SHLD2: variants seen among roughly 807,000 people sequenced by gnomAD.
The protein encoded by SHLD2 is RINN1-REV7-interacting novel NHEJ regulator 2.
In SHLD2, 30 loss-of-function variants were observed where a neutral mutation model predicts 73.2. That is an observed-to-expected ratio of 0.41 (90% CI 0.31 to 0.56). SHLD2 has a LOEUF of 0.56. Among genes scored for constraint, SHLD2 ranks in the 20% least tolerant of loss-of-function variants. The probability of loss-of-function intolerance (pLI) is 0.28; values close to 1 mark genes in which losing one functional copy is unlikely to be tolerated. For missense variants in SHLD2, 745 were observed against 1,055.9 expected (o/e 0.71, Z 4.08); for synonymous variants, 285 against 370.1 (o/e 0.77, Z 2.64).
intron 4 of SHLD2, among the ~76,000 whole-genome samples, chr10:87,159,739 A>G (rs1846674162): frequency 6.6e-6 from 1 of 152,160 alleles, no homozygotes; most frequent in Non-Finnish European, 1.5e-5. Context: ...GAAGAGGGAC[A>G]ATCTACTGCT....
intron 4 of SHLD2, among the ~76,000 whole-genome samples, chr10:87,170,105 G>A (rs1212620194): frequency 2.0e-5 from 3 of 152,164 alleles, no homozygotes; most frequent in African/African-American, 4.8e-5. Flanking sequence ...GGGAAAGCAG[G>A]ATCAAATCAG....
At chr10:87,138,373 GAA>G (rs1269699433) in intron 2 of SHLD2, among the ~76,000 whole-genome samples, 1 of 130,324 alleles carries the variant, frequency 7.7e-6, no homozygotes, top group Non-Finnish European at 1.7e-5. Flanking sequence ...AGAGCTGAAA[GAA>G]AAAAAAAAAA....
intron 2 of SHLD2, among the ~76,000 whole-genome samples, chr10:87,099,475 G>T (rs7067675): frequency 0.35 from 52,986 of 152,024 alleles, 9,721 homozygotes; most frequent in African/African-American, 0.44. Flanking sequence ...AGGTTTATGC[G>T]TGTAGCATGT....
At chr10:87,110,013 T>G (rs998726891) in intron 2 of SHLD2, among the ~76,000 whole-genome samples, 8 of 152,294 alleles carry the variant, frequency 5.3e-5, no homozygotes, top group Non-Finnish European at 1.0e-4. Context: ...CTTGGCTGGG[T>G]GCAGAGCCTC....
intron 2 of SHLD2, among the ~76,000 whole-genome samples, chr10:87,100,493 T>C (rs1393064942): frequency 6.6e-6 from 1 of 152,022 alleles, no homozygotes; most frequent in Non-Finnish European, 1.5e-5. Context: ...TTTTTTTTTT[T>C]TCGAAATGGA....
intron 9 of SHLD2, among the ~76,000 whole-genome samples, chr10:87,190,165 TCTC>T (rs1430907967): frequency 6.6e-6 from 1 of 152,188 alleles, no homozygotes; most frequent in Non-Finnish European, 1.5e-5. Context: ...TTCAAGCAAA[TCTC>T]CTGCCTCAGC....
At chr10:87,165,714 C>T (rs1847150235) in intron 4 of SHLD2, among the ~76,000 whole-genome samples, 1 of 151,898 alleles carries the variant, frequency 6.6e-6, no homozygotes, top group Admixed American at 6.6e-5. Flanking sequence ...TGAAATCCTA[C>T]ATAGAAAAAG....
At position 87,099,273 on chromosome 10, in the gene SHLD2, A is replaced by C. The variant is rs370368227; in HGVS notation, c.-6+2284A>C. On this transcript the variant is annotated intron_variant, in intron 2 of 9. Transcript: ENST00000298786. Reference sequence around the variant, plus strand: ...TCTCTCTTAAAAATATTTTAGAAGAAGATTGTTAGGATTTAGAAAAACATA... The same window carrying C: ...TCTCTCTTAAAAATATTTTAGAAGACGATTGTTAGGATTTAGAAAAACATA... 3.3e-5 allele frequency among the ~76,000 whole-genome samples: 5 copies of C among 152,316 alleles called. No individual in the cohort carries two copies. In the East Asian group the frequency reaches 9.6e-4, roughly 29 times the overall value.
chr10:87,155,110 T>C (rs567711371), intron 3 of SHLD2, among the ~76,000 whole-genome samples: 2 of 152,192 alleles, frequency 1.3e-5, no homozygotes, highest in African/African-American at 4.8e-5. Context: ...AATTTTTTTG[T>C]ATTTTTAGTA....
At chr10:87,179,480 T>C (rs1337313955) in intron 7 of SHLD2, among the ~76,000 whole-genome samples, 2 of 151,644 alleles carry the variant, frequency 1.3e-5, no homozygotes, top group Admixed American at 1.3e-4. Flanking sequence ...CGGCTCACTA[T>C]AAGCTCTGCC....
intron 2 of SHLD2, among the ~76,000 whole-genome samples, chr10:87,102,211 C>G (rs1238924777): frequency 6.6e-6 from 1 of 152,156 alleles, no homozygotes; most frequent in Admixed American, 6.5e-5. Flanking sequence ...TAACCTATTA[C>G]AAAGAACAGT....
At position 87,152,967 on chromosome 10, in the gene SHLD2, T is replaced by G. The variant is rs1846122071; in HGVS notation, c.1525+88T>G. 5.4e-6 allele frequency: 7 copies of G among 1,290,710 alleles called. No homozygotes were observed. In the East Asian group the frequency reaches 1.6e-4, roughly 30 times the overall value. 80.0% of individuals were successfully genotyped at this position (1,290,710 alleles called of 1,614,324 possible). Reference sequence around the variant, plus strand: ...TTTCTCCCACTTAGTCTTTGAAGACTCTTTAGTCATTTGCCTCTTCTGAGC... The same window carrying G: ...TTTCTCCCACTTAGTCTTTGAAGACGCTTTAGTCATTTGCCTCTTCTGAGC... On this transcript the variant is annotated intron_variant, in intron 3 of 9. Coordinates refer to ENST00000298786, the MANE Select transcript of SHLD2 (RefSeq NM_001330112.2).
intron 8 of SHLD2, among the ~76,000 whole-genome samples, chr10:87,181,832 C>T (rs1848329530): frequency 6.6e-6 from 1 of 151,478 alleles, no homozygotes; most frequent in Non-Finnish European, 1.5e-5. Context: ...TGCACTGGTG[C>T]GATCTCAGCT....
chr10:87,152,863 T>G lies in SHLD2; in HGVS notation c.1509T>G (p.Asp503Glu), dbSNP rs2134334948. 1.2e-6 allele frequency: 2 copies of G among 1,611,382 alleles called. No homozygotes were observed. The highest frequency in any genetic ancestry group is 4.5e-5 in the East Asian group (2 of 44,862). Reference sequence around the variant, plus strand: ...GGGCATTTACAGTGTTTCTTGGAGATATAATTTTACTCACAGGTGAGGTCA... The same window carrying G: ...GGGCATTTACAGTGTTTCTTGGAGAGATAATTTTACTCACAGGTGAGGTCA... ...AFWAFTVFLG[D>E]IILLTDVVIH... Residue 503 changes from aspartate to glutamate, a missense_variant, in exon 3 of 10, where the codon GAT becomes GAG. Transcript: ENST00000298786.
At chr10:87,145,047 T>G (rs2134261464) in intron 2 of SHLD2, among the ~76,000 whole-genome samples, 2 of 144,744 alleles carry the variant, frequency 1.4e-5, no homozygotes, top group East Asian at 2.1e-4. Flanking sequence ...TTCACGCCAT[T>G]CTTCTGCCTC....
intron 7 of SHLD2, among the ~76,000 whole-genome samples, chr10:87,179,873 G>A (rs989623154): frequency 2.0e-5 from 3 of 152,176 alleles, no homozygotes; most frequent in African/African-American, 7.2e-5. Context: ...AGCCAAATTA[G>A]CCAAGTAAAC....
intron 2 of SHLD2, among the ~76,000 whole-genome samples, chr10:87,144,623 T>C (rs1470381480): frequency 1.8e-5 from 1 of 57,066 alleles, no homozygotes; most frequent in Admixed American, 1.7e-4. Context: ...CTAATTTTTT[T>C]TTTTTTTTTT....
Position 87,152,470 on chromosome 10 carries a change from C to G in SHLD2, c.1116C>G (p.His372Gln). The G allele has an allele frequency of 6.2e-7, 1 of 1,611,338 alleles. No individual in the cohort carries two copies. Among genetic ancestry groups the G allele is most frequent in the Non-Finnish European group, 8.5e-7 (1 of 1,179,702 alleles). The part of the protein sequence containing the change: ...GILCSQLNTF[H>Q]KSAIKRSCTS... ...TGTGTTCCCAACTAAATACCTTCCA[C>G]AAAAGTGCTATTAAAAGAAGCTGTA... Residue 372 changes from histidine to glutamine, a missense_variant, in exon 3 of 10, where the codon CAC (histidine) becomes CAG (glutamine). Physicochemically the swap from His to Gln is conservative, Grantham distance 24. Transcript: ENST00000298786.
chr10:87,107,898 G>GT (rs377403312), intron 2 of SHLD2, among the ~76,000 whole-genome samples: 6 of 148,340 alleles, frequency 4.0e-5, no homozygotes, highest in African/African-American at 1.5e-4. Context: ...TTTGTTTTTT[G>GT]TTTTTTGAGG....
Sources: allele counts gnomAD v4.1 joint callset (sites outside exome capture counted in the v4.1 genomes callset), GRCh38; gene constraint gnomAD v4.1.1; transcripts MANE v1.5; gene names NCBI Gene and HGNC (gene_info 2026-07-23, HGNC 2026-07-21).